MED15: variants seen among roughly 807,000 people sequenced by gnomAD.
MED15 encodes mediator of RNA polymerase II transcription subunit 15.
In MED15, 41 loss-of-function variants were observed where a neutral mutation model predicts 118.7. The ratio of observed to expected loss-of-function variants is 0.35; its 90% confidence interval spans 0.27 to 0.45. The LOEUF (loss-of-function observed/expected upper bound fraction) is 0.45, where lower values mean the gene tolerates loss of function less well. Among genes scored for constraint, MED15 ranks in the 20% least tolerant of loss-of-function variants. The pLI, the probability that MED15 is intolerant of heterozygous loss-of-function variation, is 1.00. For synonymous variants in MED15, 436 were observed against 413.9 expected, an observed-to-expected ratio of 1.05 and a Z score of -0.65; for missense variants, 740 against 1,025.5, an observed-to-expected ratio of 0.72 and a Z score of 3.80.
At chr22:20,563,518 C>T (rs1203129660) in intron 5 of MED15, among the ~76,000 whole-genome samples, 1 of 152,184 alleles carries the variant, frequency 6.6e-6, no homozygotes, top group Non-Finnish European at 1.5e-5. Context: ...GTTTGCGGGT[C>T]AGGGTTGCTG....
At position 20,529,976 on chromosome 22, in the gene MED15, C is replaced by T. The variant is rs147516212; in HGVS notation, c.69-7141C>T. ...TGACCTCAAGTGATCCACCTACCTCCGCCTCCCAGAGTGCTGGGATTACAG... is the reference window on the plus strand; with the variant it reads ...TGACCTCAAGTGATCCACCTACCTCTGCCTCCCAGAGTGCTGGGATTACAG... On this transcript the variant is annotated intron_variant, in intron 1 of 17. Transcript: ENST00000263205. Among the ~76,000 whole-genome samples the T allele has an allele frequency of 6.6e-4, 100 of 152,142 alleles. 1 individual carries two copies. The highest frequency in any genetic ancestry group is 2.0e-3 in the African/African-American group (85 of 41,512).
At chr22:20,569,485 G>A (rs566480971) in intron 8 of MED15, among the ~76,000 whole-genome samples, 1 of 152,196 alleles carries the variant, frequency 6.6e-6, no homozygotes, top group Admixed American at 6.5e-5. Context: ...TCGTCTTAAG[G>A]GTACCTGGCC....
At chr22:20,541,102 G>C (rs1194566902) in intron 2 of MED15, among the ~76,000 whole-genome samples, 1 of 152,086 alleles carries the variant, frequency 6.6e-6, no homozygotes, top group African/African-American at 2.4e-5. Flanking sequence ...AGCCAGGCGT[G>C]GTGGTGGGCG....
At chr22:20,548,602 G>C (rs2055648751) in intron 2 of MED15, among the ~76,000 whole-genome samples, 1 of 152,180 alleles carries the variant, frequency 6.6e-6, no homozygotes, top group African/African-American at 2.4e-5. Flanking sequence ...CAATTTTGGT[G>C]TATCTTTCCA....
intron 9 of MED15, among the ~76,000 whole-genome samples, chr22:20,577,516 C>T (rs1186219825): frequency 6.6e-6 from 1 of 151,652 alleles, no homozygotes; most frequent in Non-Finnish European, 1.5e-5. Flanking sequence ...TAATAGGTCT[C>T]TCTCTCTCTA....
chr22:20,559,870 C>T (rs187316259), intron 5 of MED15, among the ~76,000 whole-genome samples: 4 of 152,232 alleles, frequency 2.6e-5, no homozygotes, highest in African/African-American at 9.6e-5. Context: ...TTTGTTTATC[C>T]TTTCCTCTTC....
intron 1 of MED15, among the ~76,000 whole-genome samples, chr22:20,526,966 A>G (rs2054666951): frequency 6.6e-6 from 1 of 152,148 alleles, no homozygotes; most frequent in Non-Finnish European, 1.5e-5. Flanking sequence ...CTTTCTGGAG[A>G]CCATGCCAGT....
intron 2 of MED15, among the ~76,000 whole-genome samples, chr22:20,548,653 G>A (rs1000968153): frequency 1.3e-5 from 2 of 152,196 alleles, no homozygotes; most frequent in South Asian, 2.1e-4. Context: ...GTGTGTTTAC[G>A]TTCCACAGGT....
chr22:20,545,199 G>A (rs2055478034), intron 2 of MED15, among the ~76,000 whole-genome samples: 1 of 152,076 alleles, frequency 6.6e-6, no homozygotes, highest in South Asian at 2.1e-4. Flanking sequence ...CTAAAATTAG[G>A]CCAGGCACGG....
chr22:20,514,451 C>T (rs2054183548), intron 1 of MED15, among the ~76,000 whole-genome samples: 1 of 152,146 alleles, frequency 6.6e-6, no homozygotes, highest in Non-Finnish European at 1.5e-5. Context: ...TTCTGTGATC[C>T]TATTCTTGAG....
chr22:20,544,540 G>A (rs1009153608), intron 2 of MED15, among the ~76,000 whole-genome samples: 5 of 152,094 alleles, frequency 3.3e-5, no homozygotes, highest in Admixed American at 6.5e-5. Context: ...GGTGGCGGGC[G>A]CCTGGAGTCC....
At chr22:20,538,510 T>G (rs1281781216) in intron 2 of MED15, among the ~76,000 whole-genome samples, 2 of 152,108 alleles carry the variant, frequency 1.3e-5, no homozygotes, top group African/African-American at 4.8e-5. Flanking sequence ...TTGCCCTCCC[T>G]AAATGCTGGG....
chr22:20,515,349 C>G (rs2054211976), intron 1 of MED15, among the ~76,000 whole-genome samples: 1 of 152,100 alleles, frequency 6.6e-6, no homozygotes, highest in Non-Finnish European at 1.5e-5. Flanking sequence ...TAGAGTTACT[C>G]TACATGTTGT....
chr22:20,555,866 C>T (rs766589462), intron 5 of MED15, among the ~76,000 whole-genome samples: 1 of 152,218 alleles, frequency 6.6e-6, no homozygotes, highest in Non-Finnish European at 1.5e-5. Flanking sequence ...GGACTATAGG[C>T]TCACAGCACC....
intron 5 of MED15, among the ~76,000 whole-genome samples, chr22:20,563,261 CTTTA>C (rs1601591673): frequency 3.3e-5 from 5 of 152,292 alleles, no homozygotes; most frequent in East Asian, 1.9e-4. Flanking sequence ...TTAACAGCAG[CTTTA>C]TTTGTGGTAG....
rs746933898 is a variant in MED15 at position 20,566,835 on chromosome 22, A to G, written c.1041+18A>G. ...TGAAATTTGTGAGTACCTGTGGCCC[A>G]CAGTGGAGCACATGCAGCCCGTGGC... On this transcript the variant is annotated intron_variant, in intron 7 of 17. Coordinates refer to ENST00000263205, the MANE Select transcript of MED15 (RefSeq NM_001003891.3). The G allele has an allele frequency of 1.2e-6, 2 of 1,609,014 alleles. No homozygotes were observed. The highest frequency in any genetic ancestry group is 4.5e-5 in the East Asian group (2 of 44,792).
intron 9 of MED15, chr22:20,582,214 G>A: frequency 3.3e-6 from 1 of 301,860 alleles, no homozygotes; most frequent in Admixed American, 5.4e-5. Flanking sequence ...GGTCAGCAGA[G>A]CAGGGTCCTC....
intron 6 of MED15, among the ~76,000 whole-genome samples, chr22:20,565,041 C>G (rs1028896931): frequency 6.6e-6 from 1 of 152,224 alleles, no homozygotes; most frequent in Non-Finnish European, 1.5e-5. Context: ...AGGAGAATCG[C>G]TAGAACCTGG....
intron 1 of MED15, among the ~76,000 whole-genome samples, chr22:20,527,956 CAA>C (rs763536363): frequency 0.041 from 3,851 of 94,486 alleles, 186 homozygotes; most frequent in African/African-American, 0.13. Context: ...GACTCCGTCT[CAA>C]AAAAAAAAAA....
Sources: allele counts gnomAD v4.1 joint callset (sites outside exome capture counted in the v4.1 genomes callset), GRCh38; gene constraint gnomAD v4.1.1; transcripts MANE v1.5; gene names NCBI Gene and HGNC (gene_info 2026-07-23, HGNC 2026-07-21).